Variants in FAM20C observed in about 807,000 individuals in gnomAD.
FAM20C encodes the protein extracellular serine/threonine protein kinase FAM20C.
In FAM20C, 40 loss-of-function variants were observed where a neutral mutation model predicts 51.5. The ratio of observed to expected loss-of-function variants is 0.78; its 90% CI spans 0.60 to 1.01. The LOEUF is 1.01. FAM20C is among the 50% of genes least tolerant of loss of function. The pLI is 0.00. For synonymous variants in FAM20C, 406 were observed against 380.6 expected (o/e 1.07, Z -0.78); for missense variants, 861 against 844.7 (o/e 1.02, Z -0.24).
At position 193,151 on chromosome 7, in the gene FAM20C, G is replaced by A; in HGVS notation, c.-49G>A. 1.4e-6 allele frequency: 2 copies of A among 1,416,436 alleles called. No homozygotes were observed. Among genetic ancestry groups the A allele is most frequent in the South Asian group, 2.5e-5 (2 of 79,042 alleles). The allele number at this position is 1,416,436 out of a possible 1,614,324, so 87.7% of individuals were successfully genotyped here. On this transcript the variant is annotated 5_prime_UTR_variant, in exon 1 of 10. Transcript: ENST00000313766. ...GCGCTCGTGCCCAGCTGCAGCTAGA[G>A]GGGCGCGCGGGCAGAACGCGCTCCA...
chr7:202,133 C>T (rs1220168260), intron 2 of FAM20C, among the ~76,000 whole-genome samples: 1 of 152,172 alleles, frequency 6.6e-6, no homozygotes, highest in Non-Finnish European at 1.5e-5. Flanking sequence ...AAGGGGAGAG[C>T]GTTCCAGATG....
chr7:244,456 G>A (rs1351043094), intron 3 of FAM20C, among the ~76,000 whole-genome samples: 1 of 152,180 alleles, frequency 6.6e-6, no homozygotes, highest in Non-Finnish European at 1.5e-5. Flanking sequence ...TTAGAAAAAT[G>A]AAATCCATTT....
At chr7:254,777 C>G (rs904587006) in intron 5 of FAM20C, among the ~76,000 whole-genome samples, 2 of 152,210 alleles carry the variant, frequency 1.3e-5, no homozygotes, top group Non-Finnish European at 2.9e-5. Flanking sequence ...CCGCAGCCCT[C>G]GACGAGCAGC....
chr7:206,735 G>A (rs1305524891), intron 2 of FAM20C, among the ~76,000 whole-genome samples: 16 of 139,038 alleles, frequency 1.2e-4, no homozygotes, highest in African/African-American at 4.0e-4. Flanking sequence ...CCTCGGCCCC[G>A]CACACGTGCT....
chr7:203,130 C>T (rs188882763), intron 2 of FAM20C, among the ~76,000 whole-genome samples: 3 of 152,232 alleles, frequency 2.0e-5, no homozygotes, highest in East Asian at 3.9e-4. Context: ...AGGATGCCCC[C>T]GCCTCAGCCG....
intron 3 of FAM20C, chr7:227,700 T>A (rs571143800): frequency 6.6e-6 from 1 of 152,340 alleles, no homozygotes; most frequent in East Asian, 1.9e-4. Flanking sequence ...CCCTGAGTCC[T>A]GTCCATGAAT....
chr7:240,424 GTGA>G (rs1787906205), intron 3 of FAM20C, among the ~76,000 whole-genome samples: 2 of 128 alleles, frequency 0.016, 1 homozygote, highest in African/African-American at 0.022. Context: ...GATGGTGACA[GTGA>G]TGATGATGAT....
Position 207,555 on chromosome 7 carries a change from G to A in FAM20C, c.785-1343G>A, listed in dbSNP as rs372259087. On this transcript the variant is annotated intron_variant, in intron 2 of 9. Transcript: ENST00000313766. ...GAGCTGCGCCCAGGGCCCCCGCCCC[G>A]CTTCCCTCTTCCCCTTTGCACCGGA... Among the ~76,000 whole-genome samples the A allele has an allele frequency of 1.8e-4, 27 of 152,292 alleles. No homozygotes were observed. The East Asian group carries it at 4.1e-3, about 23-fold the overall frequency.
At chr7:214,307 A>G (rs983986518) in intron 3 of FAM20C, among the ~76,000 whole-genome samples, 2 of 152,276 alleles carry the variant, frequency 1.3e-5, no homozygotes, top group South Asian at 2.1e-4. Flanking sequence ...CCTGGGCAAT[A>G]AGAGTGAAAC....
intron 3 of FAM20C, among the ~76,000 whole-genome samples, chr7:242,804 C>T (rs997580105): frequency 6.6e-6 from 1 of 152,226 alleles, no homozygotes; most frequent in East Asian, 1.9e-4. Flanking sequence ...GAGGAAGCAC[C>T]GATGGACAGG....
intron 3 of FAM20C, among the ~76,000 whole-genome samples, chr7:211,242 C>T (rs1395026191): frequency 5.3e-5 from 8 of 150,166 alleles, no homozygotes; most frequent in African/African-American, 1.7e-4. Context: ...CATGCCTTCC[C>T]TGGACCTCCC....
At chr7:199,344 GTA>G (rs1433684488) in intron 2 of FAM20C, among the ~76,000 whole-genome samples, 1 of 152,202 alleles carries the variant, frequency 6.6e-6, no homozygotes, top group Non-Finnish European at 1.5e-5. Flanking sequence ...AAGAACAGGG[GTA>G]GCCTTCAAAG....
At chr7:251,178 C>CCGGGCACGGCGGCTCACGCCTGCAG (rs1788384361) in intron 5 of FAM20C, among the ~76,000 whole-genome samples, 2 of 142,386 alleles carry the variant, frequency 1.4e-5, no homozygotes, top group Non-Finnish European at 3.2e-5. Flanking sequence ...CACGCCTGCA[C>CCGGGCACGGCGGCTCACGCCTGCAG]TGAGTGGCCG....
chr7:219,894 G>A (rs1039002365), intron 3 of FAM20C, among the ~76,000 whole-genome samples: 11 of 152,220 alleles, frequency 7.2e-5, no homozygotes, highest in African/African-American at 2.4e-4. Flanking sequence ...TGGCCTCACC[G>A]GTTCCAAAGG....
intron 2 of FAM20C, 150 bp downstream of exon 2, chr7:195,882 G>T (rs1562359959): frequency 2.8e-6 from 2 of 718,034 alleles, no homozygotes; most frequent in Non-Finnish European, 3.9e-6. Context: ...GGGCAGCGAG[G>T]AGGGACAGAG....
At chr7:220,021 G>T (rs956048510) in intron 3 of FAM20C, among the ~76,000 whole-genome samples, 3 of 152,096 alleles carry the variant, frequency 2.0e-5, no homozygotes, top group African/African-American at 7.2e-5. Context: ...CTCCAAGCCC[G>T]CTCCTCACCC....
intron 3 of FAM20C, among the ~76,000 whole-genome samples, chr7:220,716 C>T (rs940839585): frequency 3.9e-5 from 6 of 152,250 alleles, no homozygotes; most frequent in South Asian, 2.1e-4. Context: ...GGAGAGAGGC[C>T]GGAGGGAGGG....
intron 3 of FAM20C, among the ~76,000 whole-genome samples, chr7:220,335 A>C (rs1787199845): frequency 6.6e-6 from 1 of 152,148 alleles, no homozygotes; most frequent in Non-Finnish European, 1.5e-5. Flanking sequence ...CGCTGGGCCC[A>C]CCCACTGGGC....
intron 2 of FAM20C, among the ~76,000 whole-genome samples, chr7:203,815 A>G (rs1047366653): frequency 6.6e-5 from 10 of 152,312 alleles, no homozygotes; most frequent in African/African-American, 2.2e-4. Context: ...TTGTTATTTT[A>G]CAAACCGGGA....
Sources: allele counts gnomAD v4.1 joint callset (sites outside exome capture counted in the v4.1 genomes callset), GRCh38; gene constraint gnomAD v4.1.1; transcripts MANE v1.5; gene names NCBI Gene and HGNC (gene_info 2026-07-23, HGNC 2026-07-21).